Variants in IMPDH1 observed in about 807,000 individuals in gnomAD.
The protein encoded by IMPDH1 is inosine-5'-monophosphate dehydrogenase 1.
In IMPDH1, 41 loss-of-function variants were observed where a neutral mutation model predicts 73.5. That is an observed-to-expected ratio of 0.56 (90% CI 0.43 to 0.72). IMPDH1 has a LOEUF of 0.72. IMPDH1 is among the 30% of genes least tolerant of loss of function. IMPDH1 has a pLI of 0.00. For synonymous variants in IMPDH1, 318 were observed against 334.3 expected (o/e 0.95, Z 0.53); for missense variants, 645 against 824.8 (o/e 0.78, Z 2.67).
chr7:128,400,262 G>A (rs751701537), intron 8 of IMPDH1, 71 bp downstream of exon 8: 1 of 1,606,038 alleles, frequency 6.2e-7, no homozygotes, highest in Non-Finnish European at 8.5e-7. Flanking sequence ...CCTGGTCACA[G>A]GCACCAGTCT....
intron 3 of IMPDH1, among the ~76,000 whole-genome samples, chr7:128,406,692 A>G (rs1798801543): frequency 6.6e-6 from 1 of 152,146 alleles, no homozygotes; most frequent in Non-Finnish European, 1.5e-5. Flanking sequence ...ATAGTTCGGA[A>G]AGGAAGGGAG....
chr7:128,409,275 G>T lies in IMPDH1; in HGVS notation c.254+14C>A. On this transcript the variant is annotated intron_variant, in intron 3 of 16. Coordinates refer to ENST00000338791, the MANE Select transcript of IMPDH1 (RefSeq NM_000883.4). ...AGATCTCAGTGCATGGTGAGGAGGG[G>T]AGAGTGTCCTCACCTAGCCCTGCGA... 1 of 1,606,986 alleles carries T rather than the reference G, an allele frequency of 6.2e-7. No homozygotes were observed. Among genetic ancestry groups the T allele is most frequent in the South Asian group, 1.1e-5 (1 of 90,804 alleles).
In IMPDH1 at chr7:128,398,508, T is replaced by C. The variant is rs1486286708; in HGVS notation, c.980A>G (p.Lys327Arg). The change falls in exon 10 of 17, where the codon AAG (lysine) becomes AGG (arginine). Residue 327 changes from lysine to arginine, a missense_variant. Physicochemically the swap from Lys to Arg is conservative, Grantham distance 26. This residue lies in a region of IMPDH1 where 459 missense variants were observed against 638.2 expected (regional missense o/e 0.72). Transcript: ENST00000338791. The surrounding 1 kb of genome is among the most constrained non-coding windows in gnomAD (Gnocchi z 4.3). ...DYPLASKDSQ[K>R]QLLCGAAVGT... The stretch of plus-strand genomic sequence containing the variant: ...CACAGCTGCCCCACAGAGCAGCTGC[T>C]TCTGGGAATCCTTGGAGGCCAGAGG... 6.2e-7 allele frequency: 1 copy of C among 1,613,564 alleles called. No individual in the cohort carries two copies. Among genetic ancestry groups the C allele is most frequent in the Non-Finnish European group, 8.5e-7 (1 of 1,179,732 alleles).
rs1414895650 is a variant in IMPDH1, at chr7:128,396,009, C to G, written c.1261+591G>C. Among the ~76,000 whole-genome samples, 2 of 152,148 alleles carry G rather than the reference C, an allele frequency of 1.3e-5. No homozygotes were observed. Among genetic ancestry groups the G allele is most frequent in the East Asian group, 1.9e-4 (1 of 5,194 alleles). On this transcript the variant is annotated intron_variant, in intron 12 of 16. Coordinates refer to ENST00000338791, the MANE Select transcript of IMPDH1 (RefSeq NM_000883.4). This position sits in a 1 kb window ranked among gnomAD's most constrained non-coding sequence, Gnocchi z 4.0. ...CAGTGTTTTGGAGAAATTGCCCTCA[C>G]AGGAGGGGCCGGGTACATCTCCTCA...
intron 9 of IMPDH1, 84 bp downstream of exon 9, chr7:128,400,011 T>C (rs1798202695): frequency 1.8e-6 from 2 of 1,092,318 alleles, no homozygotes; most frequent in Admixed American, 1.7e-5. Flanking sequence ...GTTGCTGGGA[T>C]AACCTGTAAG....
chr7:128,400,645 C>G, intron 7 of IMPDH1, 106 bp from the exon 8 acceptor site: 1 of 1,267,786 alleles, frequency 7.9e-7, no homozygotes. Flanking sequence ...GAAGCCAGGA[C>G]CCTCAGTGGG....
At chr7:128,400,760 G>C (rs1798275201) in intron 7 of IMPDH1, 57 bp downstream of exon 7, 1 of 1,452,158 alleles carries the variant, frequency 6.9e-7, no homozygotes, top group Non-Finnish European at 9.7e-7. Context: ...GGCTGGGAGG[G>C]CCTCTGAGGT....
chr7:128,397,033 GGACGGAA>G lies in IMPDH1; in HGVS notation c.1075-18_1075-12del. On this transcript the variant is annotated splice_polypyrimidine_tract_variant and intron_variant, in intron 10 of 16. Transcript: ENST00000338791. ...CCCTTGGGACGAGTCCTGTGAGAAAGGACGGAAGAGCTTGGGCTTAGACAGCTGAGGA... is the reference window on the plus strand; with the variant it reads ...CCCTTGGGACGAGTCCTGTGAGAAAGGAGCTTGGGCTTAGACAGCTGAGGA... 1 of 1,602,482 alleles carries G rather than the reference GGACGGAA, an allele frequency of 6.2e-7. No homozygotes were observed. Among genetic ancestry groups the G allele is most frequent in the Non-Finnish European group, 8.6e-7 (1 of 1,169,338 alleles).
At chr7:128,403,581 A>C (rs1584744241) in intron 5 of IMPDH1, 125 bp downstream of exon 5, 2 of 755,200 alleles carry the variant, frequency 2.6e-6, no homozygotes, top group East Asian at 5.3e-5. Context: ...AAAAAGGACT[A>C]TATCCTATCC....
intron 4 of IMPDH1, among the ~76,000 whole-genome samples, chr7:128,404,863 T>C (rs1798596062): frequency 6.6e-6 from 1 of 152,200 alleles, no homozygotes; most frequent in African/African-American, 2.4e-5. Context: ...TAGCATTTTC[T>C]AGGTGTTCTA....
At position 128,394,496 on chromosome 7, in the gene IMPDH1, C is replaced by G; in HGVS notation, c.1654G>C (p.Gly552Arg). 1 of 1,614,056 alleles carries G rather than the reference C, an allele frequency of 6.2e-7. No homozygotes were observed. Among genetic ancestry groups the G allele is most frequent in the Non-Finnish European group, 8.5e-7 (1 of 1,180,008 alleles). ...CTGCGGGCCCCGATATCCTGGCAGC[C>G]GTGTTGGATGCCTGCTATGAGGTAG... ...VPYLIAGIQHGCQDIGARSLS... is the reference protein window; with the variant it reads ...VPYLIAGIQHRCQDIGARSLS... The change falls in exon 15 of 17, where the codon GGC becomes CGC. Residue 552 changes from glycine to arginine, a missense_variant. Gly to Arg is a moderately radical substitution (Grantham distance 125, BLOSUM62 -2). Coordinates refer to ENST00000338791, the MANE Select transcript of IMPDH1 (RefSeq NM_000883.4). The surrounding 1 kb of genome is among the most constrained non-coding windows in gnomAD (Gnocchi z 5.5).
intron 4 of IMPDH1, among the ~76,000 whole-genome samples, chr7:128,403,955 C>T (rs965055447): frequency 6.6e-6 from 1 of 152,244 alleles, no homozygotes; most frequent in East Asian, 1.9e-4. Flanking sequence ...GCCCCCAGAG[C>T]TAGAGCCAAA....
Position 128,409,299 on chromosome 7 carries a change from G to T in IMPDH1, c.244C>A (p.Arg82Ser). 1 of 1,613,958 alleles carries T rather than the reference G, an allele frequency of 6.2e-7. No individual in the cohort carries two copies. The highest frequency in any genetic ancestry group is 8.5e-7 in the Non-Finnish European group (1 of 1,179,888). ...GGAGAGTGTCCTCACCTAGCCCTGC[G>T]AAGGCGATCCATCTGGACACCAACA... Reference protein sequence around the residue: ...AGVGVQMDRLRRASMADYLIS... With the variant: ...AGVGVQMDRLSRASMADYLIS... Residue 82 changes from arginine (R) to serine (S), a missense_variant, in exon 3 of 17, where the codon CGC becomes AGC. Coordinates refer to ENST00000338791, the MANE Select transcript of IMPDH1 (RefSeq NM_000883.4).
chr7:128,405,282 G>A (rs1798635298), intron 4 of IMPDH1, among the ~76,000 whole-genome samples: 2 of 152,186 alleles, frequency 1.3e-5, no homozygotes, highest in Non-Finnish European at 2.9e-5. Flanking sequence ...GGCAGGGAGG[G>A]ACACAACTGG....
In IMPDH1 at chr7:128,395,278, G is replaced by T; in HGVS notation, c.1262-4C>A. 1 of 1,612,954 alleles carries T rather than the reference G, an allele frequency of 6.2e-7. No individual in the cohort carries two copies. Among genetic ancestry groups the T allele is most frequent in the East Asian group, 2.2e-5 (1 of 44,884 alleles). On this transcript the variant is annotated splice_polypyrimidine_tract_variant and splice_region_variant and intron_variant, in intron 12 of 16. Transcript: ENST00000338791. ...TGGGGCCGACCACAGGCCATCACTG[G>T]GGGAGGGTGGGGTGCACAAGGCAGA...
intron 5 of IMPDH1, among the ~76,000 whole-genome samples, chr7:128,402,885 G>A (rs1014687040): frequency 3.3e-5 from 5 of 152,092 alleles, no homozygotes; most frequent in African/African-American, 1.2e-4. Context: ...GCGTTTCCTT[G>A]TATTTATCCA....
Position 128,396,633 on chromosome 7 carries a change from T to G in IMPDH1, c.1228A>C (p.Met410Leu), listed in dbSNP as rs759859452. ...GTGATGCAGATGGAGCCGCAGCCCA[T>G]GCCCACGCGCAGCCCGTCCACACCA... ...DAGVDGLRVG[M>L]GCGSICITQE... The change falls in exon 12 of 17, where the codon ATG becomes CTG. Residue 410 changes from methionine to leucine, a missense_variant. By Grantham distance (15) the Met-to-Leu change is conservative (BLOSUM62 2). Around this residue, in one of 2 missense-constraint regions of IMPDH1, gnomAD observed 459 missense variants for 638.2 expected, o/e 0.72. Transcript: ENST00000338791. The surrounding 1 kb of genome is among the most constrained non-coding windows in gnomAD (Gnocchi z 4.0). The G allele has an allele frequency of 9.6e-6, 15 of 1,555,472 alleles. No individual in the cohort carries two copies. The highest frequency in any genetic ancestry group is 3.5e-6 in the Non-Finnish European group (4 of 1,148,926).
At chr7:128,406,301 ACACCCCC>A (rs1798767183) in intron 3 of IMPDH1, among the ~76,000 whole-genome samples, 7 of 8,112 alleles carry the variant, frequency 8.6e-4, no homozygotes, top group African/African-American at 1.2e-3. Flanking sequence ...CCACACCCCC[ACACCCCC>A]CACCCCCCCC....
At chr7:128,393,851 C>T (rs1043449943) in intron 16 of IMPDH1, 29 of 304,106 alleles carry the variant, frequency 9.5e-5, no homozygotes, top group Non-Finnish European at 1.6e-4. Context: ...CCAACGAGCA[C>T]TGCCCCCGCC....
Sources: gnomAD v4.1 joint callset for allele counts (sites outside exome capture counted in the v4.1 genomes callset) on GRCh38, gnomAD v4.1.1 for gene constraint, gnomAD v4.1.1 regional missense constraint, Gnocchi (gnomAD v3.1) non-coding constraint, MANE v1.5 for transcripts, NCBI Gene and HGNC (gene_info 2026-07-23, HGNC 2026-07-21) for gene names.